The following DRC9 variants were observed in gnomAD, a reference collection of about 807,000 sequenced individuals.
DRC9 encodes dynein regulatory complex protein 9.
the DRC9 span, among the ~76,000 whole-genome samples, chr3:197,934,648 G>A: frequency 1.3e-5 from 2 of 151,998 alleles, no homozygotes; most frequent in Non-Finnish European, 2.9e-5. Flanking sequence ...CGCGTAGTCC[G>A]CTGTTCTTCA....
At chr3:197,942,375 C>G in the DRC9 span, among the ~76,000 whole-genome samples, 1 of 106,506 alleles carries the variant, frequency 9.4e-6, no homozygotes, top group Non-Finnish European at 1.7e-5. Context: ...CAGAGCGAGA[C>G]TCCGTCTCAC....
At chr3:197,944,433 T>TTTTTA in the DRC9 span, among the ~76,000 whole-genome samples, 75 of 150,662 alleles carry the variant, frequency 5.0e-4, no homozygotes, top group African/African-American at 1.4e-3. Context: ...TAAGTTTGTG[T>TTTTTA]TTTTATTTTA....
chr3:197,889,329 T>G, the DRC9 span: 1 of 512,448 alleles, frequency 2.0e-6, no homozygotes, highest in Non-Finnish European at 3.5e-6. Context: ...TTCACAGGAC[T>G]ACTAGAAACT....
At chr3:197,921,158 C>A in the DRC9 span, among the ~76,000 whole-genome samples, 1 of 125,944 alleles carries the variant, frequency 7.9e-6, no homozygotes, top group African/African-American at 3.7e-5. Context: ...GGGATGTAAC[C>A]TGATTTCATC....
chr3:197,947,203 C>G, the DRC9 span, among the ~76,000 whole-genome samples: 1 of 152,172 alleles, frequency 6.6e-6, no homozygotes, highest in Non-Finnish European at 1.5e-5. Context: ...TTGAACTACT[C>G]CAACAACCTC....
chr3:197,937,469 C>CTT, the DRC9 span, among the ~76,000 whole-genome samples: 1 of 145,590 alleles, frequency 6.9e-6, no homozygotes, highest in Non-Finnish European at 1.5e-5. Flanking sequence ...TTTCTTTTCT[C>CTT]TTTTTTTTTT....
At chr3:197,899,934 CGGCACGG>C in the DRC9 span, among the ~76,000 whole-genome samples, 354 of 152,340 alleles carry the variant, frequency 2.3e-3, 3 homozygotes, top group East Asian at 8.7e-3. Flanking sequence ...AGCAGCCACA[CGGCACGG>C]GTAGGATCTG....
At chr3:197,898,388 A>T in the DRC9 span, among the ~76,000 whole-genome samples, 1 of 152,358 alleles carries the variant, frequency 6.6e-6, no homozygotes, top group South Asian at 2.1e-4. Flanking sequence ...AAAATAAAAA[A>T]GTGAAAATAA....
At chr3:197,898,201 G>C in the DRC9 span, among the ~76,000 whole-genome samples, 2 of 152,226 alleles carry the variant, frequency 1.3e-5, no homozygotes, top group African/African-American at 4.8e-5. Context: ...CCTCCTCCAA[G>C]TACCCAGACA....
At chr3:197,932,627 G>A in the DRC9 span, among the ~76,000 whole-genome samples, 8 of 144,660 alleles carry the variant, frequency 5.5e-5, no homozygotes, top group East Asian at 2.0e-4. Flanking sequence ...GTGAGACTCC[G>A]TCTCAATAAA....
the DRC9 span, among the ~76,000 whole-genome samples, chr3:197,898,425 CAGATT>C: frequency 6.6e-6 from 1 of 152,110 alleles, no homozygotes; most frequent in Non-Finnish European, 1.5e-5. Context: ...GGAAACTAGA[CAGATT>C]AGCAACATAA....
the DRC9 span, among the ~76,000 whole-genome samples, chr3:197,944,871 G>A: frequency 3.3e-5 from 5 of 152,286 alleles, no homozygotes; most frequent in South Asian, 2.1e-4. Context: ...GTGAGCCACC[G>A]CGCCTGGCCT....
the DRC9 span, chr3:197,913,950 G>A: frequency 1.9e-6 from 3 of 1,613,972 alleles, no homozygotes; most frequent in South Asian, 1.1e-5. Context: ...TCTGCAGCTC[G>A]GTATTGGTTT....
At chr3:197,959,292 A>G in the DRC9 span, 1 of 152,184 alleles carries the variant, frequency 6.6e-6, no homozygotes, top group Admixed American at 6.5e-5. Context: ...TTTATTCACA[A>G]TAGCAATTTA....
At chr3:197,893,357 CA>C in the DRC9 span, among the ~76,000 whole-genome samples, 157 of 43,244 alleles carry the variant, frequency 3.6e-3, no homozygotes, top group South Asian at 0.029. Flanking sequence ...AACTCCGTCT[CA>C]AAAAAAAAAA....
At chr3:197,889,498 T>C in the DRC9 span, 1 of 1,498,508 alleles carries the variant, frequency 6.7e-7, no homozygotes, top group South Asian at 1.1e-5. Flanking sequence ...TGAGTCATCT[T>C]TGAGGTACCA....
chr3:197,945,996 A>T, the DRC9 span, among the ~76,000 whole-genome samples: 21 of 152,178 alleles, frequency 1.4e-4, no homozygotes. Context: ...CCGATTTTTA[A>T]TTGGTAATCT....
chr3:197,912,996 G>C, the DRC9 span: 2 of 455,732 alleles, frequency 4.4e-6, no homozygotes, highest in Non-Finnish European at 8.0e-6. Context: ...GCCCACTGAA[G>C]GACAGAAACG....
the DRC9 span, chr3:197,912,908 G>C: frequency 1.5e-6 from 1 of 652,838 alleles, no homozygotes; most frequent in Non-Finnish European, 2.7e-6. Context: ...CAACACTGCA[G>C]AGCCACGTGG....
Sources: gnomAD v4.1 joint callset for allele counts (sites outside exome capture counted in the v4.1 genomes callset) on GRCh38, gnomAD v4.1.1 for gene constraint, MANE v1.5 for transcripts, NCBI Gene and HGNC (gene_info 2026-07-23, HGNC 2026-07-21) for gene names.